The following TXLNG variants were observed in gnomAD, a reference collection of about 807,000 sequenced individuals.
TXLNG encodes gamma-taxilin.
In TXLNG, 5 loss-of-function variants were observed where a neutral mutation model predicts 38.8. That is an observed-to-expected ratio of 0.13 (90% CI 0.07 to 0.27). The LOEUF is 0.27. Among genes scored for constraint, TXLNG ranks in the 10% least tolerant of loss-of-function variants. The probability of loss-of-function intolerance (pLI) is 1.00; values close to 1 mark genes in which losing one functional copy is unlikely to be tolerated. For synonymous variants in TXLNG, 182 were observed against 158.2 expected, an observed-to-expected ratio of 1.15 and a Z score of -1.13; for missense variants, 393 against 398.2, an observed-to-expected ratio of 0.99 and a Z score of 0.11.
chrX:16,828,020 T>C, intron 3 of TXLNG, 74 bp from the exon 4 acceptor site: 2 of 978,452 alleles, frequency 2.0e-6, no homozygotes, highest in Non-Finnish European at 1.4e-6. Flanking sequence ...GTTCCATAGC[T>C]CTCATTATAA....
At position 16,841,062 on chromosome X, in the gene TXLNG, G is replaced by C. The variant is rs978968730; in HGVS notation, c.1249-366G>C. Among the ~76,000 whole-genome samples the C allele has an allele frequency of 3.6e-5, 4 of 109,896 alleles. No individual in the cohort carries two copies. In the South Asian group the frequency reaches 1.6e-3, roughly 43 times the overall value. On this transcript the variant is annotated intron_variant, in intron 9 of 9. Coordinates refer to ENST00000380122, the MANE Select transcript of TXLNG (RefSeq NM_018360.3). ...ATACAAAAATTAGCTGGGCGTGGTG[G>C]GGCGCGCCTGTAGTCCCAGTTACTC...
chrX:16,813,447 A>G (rs1339808675), intron 1 of TXLNG, among the ~76,000 whole-genome samples: 1 of 107,650 alleles, frequency 9.3e-6, no homozygotes, highest in Non-Finnish European at 1.9e-5. Context: ...TTTTGAGACC[A>G]GCCTGGGCAA....
At chrX:16,828,960 C>T (rs919621868) in intron 4 of TXLNG, among the ~76,000 whole-genome samples, 2 of 111,270 alleles carry the variant, frequency 1.8e-5, no homozygotes, top group African/African-American at 6.5e-5. Context: ...TGGATCTTCA[C>T]CTGGTATGGG....
In TXLNG at chrX:16,832,680, C is replaced by G; in HGVS notation, c.922C>G (p.Leu308Val). 1.7e-6 allele frequency: 2 copies of G among 1,209,932 alleles called. No homozygotes were observed. Among genetic ancestry groups the G allele is most frequent in the Non-Finnish European group, 2.2e-6 (2 of 894,772 alleles). ...ELQQQLVDAK[L>V]QQTTQLIKEA... is the part of the protein sequence containing the mutation. The stretch of plus-strand genomic sequence containing the variant: ...GCAACAGCAGCTCGTGGATGCCAAA[C>G]TGCAGCAAACGACACAACTGATAAA... Residue 308 changes from leucine to valine, a missense_variant, in exon 6 of 10, where the codon CTG becomes GTG. Coordinates refer to ENST00000380122, the MANE Select transcript of TXLNG (RefSeq NM_018360.3).
chrX:16,816,135 C>T (rs780734533), intron 1 of TXLNG, among the ~76,000 whole-genome samples: 13 of 106,784 alleles, frequency 1.2e-4, no homozygotes, highest in Admixed American at 5.1e-4. Flanking sequence ...GGCGCGATAT[C>T]GGCTCAGTAC....
chrX:16,788,667 GTT>G (rs10668899), intron 1 of TXLNG, among the ~76,000 whole-genome samples: 2 of 80,338 alleles, frequency 2.5e-5, no homozygotes. Flanking sequence ...AACTTGTTGT[GTT>G]TTTTTTTTTT....
intron 1 of TXLNG, among the ~76,000 whole-genome samples, chrX:16,808,682 A>C (rs1302023121): frequency 9.0e-6 from 1 of 110,860 alleles, no homozygotes; most frequent in Non-Finnish European, 1.9e-5. Context: ...TCCCTTATTA[A>C]CGTGTCCTTA....
chrX:16,805,073 T>G (rs1345917919), intron 1 of TXLNG, among the ~76,000 whole-genome samples: 1 of 98,510 alleles, frequency 1.0e-5, no homozygotes, highest in African/African-American at 3.7e-5. Flanking sequence ...CTTGCTGATC[T>G]TCCAAGCTCA....
intron 1 of TXLNG, among the ~76,000 whole-genome samples, chrX:16,801,708 AGAGATT>A (rs2147465748): frequency 9.0e-6 from 1 of 111,318 alleles, no homozygotes. Flanking sequence ...TTGGAGGGAA[AGAGATT>A]GGCTATTTTC....
chrX:16,843,218 A>C lies in TXLNG; in HGVS notation c.*1452A>C, dbSNP rs1706366539. On this transcript the variant is annotated 3_prime_UTR_variant, in exon 10 of 10. Coordinates refer to ENST00000380122, the MANE Select transcript of TXLNG (RefSeq NM_018360.3). ...GGACTGAATAAACTCTGTTTTGTCC[A>C]GTTAAAAGGGTTTTCTCTTTGTTAC... is the stretch of plus-strand genomic sequence containing the variant. 1 of 112,566 alleles carries C rather than the reference A, an allele frequency of 8.9e-6. No homozygotes were observed. Among genetic ancestry groups the C allele is most frequent in the African/African-American group, 3.2e-5 (1 of 31,018 alleles). The allele number at this position is 112,566 out of a possible 1,213,427, so 9.3% of individuals were successfully genotyped here.
At chrX:16,792,350 G>A (rs760420290) in intron 1 of TXLNG, among the ~76,000 whole-genome samples, 3 of 111,775 alleles carry the variant, frequency 2.7e-5, no homozygotes, top group African/African-American at 9.7e-5. Context: ...TGCTTACCTC[G>A]TTAAGTTTTA....
At chrX:16,788,665 G>GTGT (rs1555988199) in intron 1 of TXLNG, among the ~76,000 whole-genome samples, 3 of 59,496 alleles carry the variant, frequency 5.0e-5, no homozygotes, top group Non-Finnish European at 1.1e-4. Context: ...CAAACTTGTT[G>GTGT]TGTTTTTTTT....
intron 1 of TXLNG, among the ~76,000 whole-genome samples, chrX:16,798,257 C>T (rs1489660762): frequency 8.9e-6 from 1 of 112,452 alleles, no homozygotes; most frequent in Non-Finnish European, 1.9e-5. Context: ...TTAATCACCA[C>T]TGATCTCATC....
chrX:16,830,873 GTGTGTGTGTGTGTA>G (rs1438454122), intron 5 of TXLNG, among the ~76,000 whole-genome samples: 1 of 99,196 alleles, frequency 1.0e-5, no homozygotes, highest in African/African-American at 3.8e-5. Context: ...GTGTGTGTGT[GTGTGTGTGTGTGTA>G]TAGAGACAGT....
chrX:16,826,957 G>A (rs765661384), intron 3 of TXLNG, among the ~76,000 whole-genome samples: 172 of 109,374 alleles, frequency 1.6e-3, no homozygotes, highest in African/African-American at 5.5e-3. Context: ...GGCCGGGCAT[G>A]GTGGCTTATG....
chrX:16,797,240 T>C (rs1037268847), intron 1 of TXLNG, among the ~76,000 whole-genome samples: 11 of 102,405 alleles, frequency 1.1e-4, no homozygotes, highest in Non-Finnish European at 2.0e-4. Flanking sequence ...GCCGAGATCA[T>C]ACCATTACAC....
At chrX:16,813,637 CAA>C (rs150200590) in intron 1 of TXLNG, among the ~76,000 whole-genome samples, 14 of 44,228 alleles carry the variant, frequency 3.2e-4, no homozygotes, top group African/African-American at 3.1e-4. Flanking sequence ...ACCTCGTCTC[CAA>C]AAAAAAAAAA....
intron 1 of TXLNG, among the ~76,000 whole-genome samples, chrX:16,790,041 G>A (rs748313698): frequency 1.6e-4 from 18 of 110,461 alleles, no homozygotes; most frequent in African/African-American, 4.9e-4. Context: ...CAGGTGATCT[G>A]CCCGCCTCGG....
chrX:16,816,913 G>C (rs1928766101), intron 1 of TXLNG, among the ~76,000 whole-genome samples: 1 of 112,084 alleles, frequency 8.9e-6, no homozygotes, highest in Non-Finnish European at 1.9e-5. Flanking sequence ...AAGTGAATGT[G>C]TCACCTCATC....
Sources: allele counts gnomAD v4.1 joint callset (sites outside exome capture counted in the v4.1 genomes callset), GRCh38; gene constraint gnomAD v4.1.1; transcripts MANE v1.5; gene names NCBI Gene and HGNC (gene_info 2026-07-23, HGNC 2026-07-21).